CPED1: variants seen among roughly 807,000 people sequenced by gnomAD.
CPED1 encodes the protein cadherin-like and PC-esterase domain-containing protein 1.
In CPED1, 114 loss-of-function variants were observed where a neutral mutation model predicts 128.2. The ratio of observed to expected loss-of-function variants is 0.89; its 90% CI spans 0.76 to 1.04. The LOEUF (loss-of-function observed/expected upper bound fraction) is 1.04, where lower values mean the gene tolerates loss of function less well. Ranked by LOEUF, CPED1 falls within the 50% of genes least tolerant of loss-of-function variation. CPED1 has a pLI of 0.00. For synonymous variants in CPED1, 462 were observed against 426.7 expected, an observed-to-expected ratio of 1.08 and a Z score of -1.02; for missense variants, 1,211 against 1,207.1, an observed-to-expected ratio of 1.00 and a Z score of -0.05.
At chr7:121,064,772 C>T (rs1793783102) in intron 5 of CPED1, among the ~76,000 whole-genome samples, 1 of 152,132 alleles carries the variant, frequency 6.6e-6, no homozygotes, top group Admixed American at 6.5e-5. Context: ...ATAAATTCTG[C>T]ATTTTAACTA....
chr7:121,002,039 T>A (rs1436568134), intron 2 of CPED1, among the ~76,000 whole-genome samples: 1 of 152,094 alleles, frequency 6.6e-6, no homozygotes, highest in Non-Finnish European at 1.5e-5. Flanking sequence ...CTGGAAACAC[T>A]CTTTTCATTA....
chr7:121,151,638 C>T (rs1016192035), intron 16 of CPED1, among the ~76,000 whole-genome samples: 1 of 152,080 alleles, frequency 6.6e-6, no homozygotes, highest in Non-Finnish European at 1.5e-5. Context: ...GGCTACTAGC[C>T]CTTGCTTTCT....
chr7:121,036,336 A>G (rs1792887525), intron 3 of CPED1, among the ~76,000 whole-genome samples: 1 of 151,932 alleles, frequency 6.6e-6, no homozygotes, highest in Non-Finnish European at 1.5e-5. Flanking sequence ...TTGCATCCTC[A>G]TAGCAGCTCC....
chr7:121,284,135 C>T (rs2116777229), intron 22 of CPED1, among the ~76,000 whole-genome samples: 1 of 152,286 alleles, frequency 6.6e-6, no homozygotes, highest in South Asian at 2.1e-4. Context: ...GGAAACACGT[C>T]CTTCTTTACA....
rs138068390 is a variant in CPED1 at position 121,102,268 on chromosome 7, G to A, written c.918+2174G>A. On this transcript the variant is annotated intron_variant, in intron 7 of 22. Transcript: ENST00000310396. ...TAGCATGATATATATTGTTCAGTTT[G>A]TTGCCTTTCTTTTGAAGTAGCTGTA... Among the ~76,000 whole-genome samples the A allele has an allele frequency of 1.1e-3, 173 of 152,014 alleles. 2 individuals carry two copies. The highest frequency in any genetic ancestry group is 6.8e-3 in the Middle Eastern group (2 of 294).
At chr7:121,106,786 G>A (rs764653528) in intron 7 of CPED1, among the ~76,000 whole-genome samples, 34 of 152,156 alleles carry the variant, frequency 2.2e-4, no homozygotes, top group Middle Eastern at 3.4e-3. Flanking sequence ...TGTATTGCCC[G>A]TGAACTTCAC....
chr7:121,169,923 T>C (rs1706277150), intron 16 of CPED1, among the ~76,000 whole-genome samples: 1 of 152,172 alleles, frequency 6.6e-6, no homozygotes, highest in Non-Finnish European at 1.5e-5. Context: ...AATGGTTTAA[T>C]CGATGTCTGT....
At chr7:121,189,774 A>ATATATG (rs1797091565) in intron 16 of CPED1, among the ~76,000 whole-genome samples, 1 of 72,042 alleles carries the variant, frequency 1.4e-5, no homozygotes, top group African/African-American at 4.9e-5. Context: ...ATATATATAT[A>ATATATG]TATATATATA....
At chr7:121,116,491 T>C (rs1393506219) in intron 7 of CPED1, among the ~76,000 whole-genome samples, 3 of 152,190 alleles carry the variant, frequency 2.0e-5, no homozygotes, top group African/African-American at 7.2e-5. Context: ...TCTTAGTTTT[T>C]CCAAAAGGTA....
intron 3 of CPED1, among the ~76,000 whole-genome samples, chr7:121,043,427 G>T (rs1212656180): frequency 4.6e-5 from 7 of 152,094 alleles, no homozygotes; most frequent in Admixed American, 3.9e-4. Context: ...AGAGATCAAA[G>T]GGTATATTCA....
At chr7:121,194,022 C>CTCTA (rs1484413430) in intron 16 of CPED1, among the ~76,000 whole-genome samples, 7 of 74,748 alleles carry the variant, frequency 9.4e-5, no homozygotes, top group Admixed American at 1.8e-4. Flanking sequence ...CTCTCTCTCT[C>CTCTA]TATATATATA....
At chr7:121,282,793 T>C (rs1433005147) in intron 22 of CPED1, among the ~76,000 whole-genome samples, 1 of 152,198 alleles carries the variant, frequency 6.6e-6, no homozygotes, top group East Asian at 1.9e-4. Context: ...TCAGACAATG[T>C]CTTTGAAGTC....
At chr7:121,266,492 G>A in intron 19 of CPED1, 45 bp downstream of exon 19, 5 of 1,487,782 alleles carry the variant, frequency 3.4e-6, no homozygotes, top group Non-Finnish European at 4.7e-6. Context: ...ACAAAGTACT[G>A]ATGTTCTGCT....
chr7:121,050,353 G>T, intron 4 of CPED1: 1 of 153,080 alleles, frequency 6.5e-6, no homozygotes, highest in Non-Finnish European at 1.4e-5. Flanking sequence ...TTATCACATG[G>T]TTTATTTTTT....
In CPED1 at chr7:121,097,723, C is replaced by T. The variant is rs144800578; in HGVS notation, c.641C>T (p.Ser214Phe). 6.2e-7 allele frequency: 1 copy of T among 1,613,686 alleles called. No homozygotes were observed. Among genetic ancestry groups the T allele is most frequent in the African/African-American group, 1.3e-5 (1 of 74,912 alleles). Residue 214 changes from serine (S) to phenylalanine (F), a missense_variant, in exon 6 of 23, where the codon TCT (serine) becomes TTT (phenylalanine). Ser to Phe is a radical substitution (Grantham distance 155). Transcript: ENST00000310396. ...GAACTGCAACTTCCAGTGAGTCCCT[C>T]TGTGTGTCTGGATCAGGGAATGCAA... The part of the protein sequence containing the change: ...FPELQLPVSP[S>F]VCLDQGMQLK...
intron 16 of CPED1, among the ~76,000 whole-genome samples, chr7:121,188,170 A>G (rs901678349): frequency 1.3e-5 from 2 of 152,204 alleles, no homozygotes; most frequent in Non-Finnish European, 2.9e-5. Context: ...TAATGACTTT[A>G]CAATAACCCA....
rs749439704 is a variant in CPED1, at chr7:121,143,362, G to A, written c.2055+1221G>A. On this transcript the variant is annotated intron_variant, in intron 16 of 22. Coordinates refer to ENST00000310396, the MANE Select transcript of CPED1 (RefSeq NM_024913.5). ...TTAAATGGTGGTTCATTTATAGTAC[G>A]GAAAATATATAGTGTGTTTCATTTC... is the stretch of plus-strand genomic sequence containing the variant. Among the ~76,000 whole-genome samples, 4 of 151,856 alleles carry A rather than the reference G, an allele frequency of 2.6e-5. No individual in the cohort carries two copies. In the East Asian group the frequency reaches 7.7e-4, roughly 29 times the overall value.
chr7:121,057,840 G>A (rs946292167), intron 4 of CPED1, among the ~76,000 whole-genome samples: 3 of 152,142 alleles, frequency 2.0e-5, no homozygotes, highest in East Asian at 1.9e-4. Context: ...ATGGGTAGAC[G>A]GGGGAAAATA....
At chr7:121,126,127 G>T (rs1795498326) in intron 9 of CPED1, among the ~76,000 whole-genome samples, 2 of 152,028 alleles carry the variant, frequency 1.3e-5, no homozygotes, top group South Asian at 4.2e-4. Context: ...TATGGTTCAA[G>T]TACTATTTGT....
Sources: gnomAD v4.1 joint callset for allele counts (sites outside exome capture counted in the v4.1 genomes callset) on GRCh38, gnomAD v4.1.1 for gene constraint, MANE v1.5 for transcripts, NCBI Gene and HGNC (gene_info 2026-07-23, HGNC 2026-07-21) for gene names.